The following ELOA variants were observed in gnomAD, a reference collection of about 807,000 sequenced individuals.
ELOA encodes elongin A, also known as elongin-A.
A neutral mutation model predicts 85.2 loss-of-function variants in ELOA; 15 were observed. That is an observed-to-expected ratio of 0.18 (90% CI 0.12 to 0.27). The LOEUF is 0.27. ELOA is among the 10% of genes least tolerant of loss of function. The pLI, the probability that ELOA is intolerant of heterozygous loss-of-function variation, is 1.00. For synonymous variants in ELOA, 348 were observed against 357.2 expected, an observed-to-expected ratio of 0.97 and a Z score of 0.29; for missense variants, 769 against 952.7, an observed-to-expected ratio of 0.81 and a Z score of 2.54.
At chr1:23,757,763 G>C (rs1644801851) in intron 10 of ELOA, among the ~76,000 whole-genome samples, 1 of 151,302 alleles carries the variant, frequency 6.6e-6, no homozygotes, top group African/African-American at 2.4e-5. Flanking sequence ...CCTCCCAAGT[G>C]CTGGGATTAC....
At position 23,749,061 on chromosome 1, in the gene ELOA, C is replaced by T; in HGVS notation, c.116C>T (p.Thr39Ile). ...AAGAAACTCTCCACCCTGCCTATTACAGTAGACATTCTTGCGGTAAGAACT... is the reference window on the plus strand; with the variant it reads ...AAGAAACTCTCCACCCTGCCTATTATAGTAGACATTCTTGCGGTAAGAACT... ...YLKKLSTLPITVDILAETGVG... is the reference protein window; with the variant it reads ...YLKKLSTLPIIVDILAETGVG... Residue 39 changes from threonine (T) to isoleucine (I), a missense_variant, in exon 2 of 11, where the codon ACA becomes ATA. Physicochemically the swap from Thr to Ile is moderately conservative, Grantham distance 89. This residue lies in a region of ELOA where 440 missense variants were observed against 474.0 expected (regional missense o/e 0.93). Transcript: ENST00000613537. The T allele has an allele frequency of 6.2e-7, 1 of 1,612,970 alleles. No individual in the cohort carries two copies. The highest frequency in any genetic ancestry group is 8.5e-7 in the Non-Finnish European group (1 of 1,179,154).
In ELOA at chr1:23,760,930, A is replaced by G. The variant is rs1308580317; in HGVS notation, c.*1357A>G. ...TTGGTTGTGACCCAGGTAGAGGTAG[A>G]TGCCATACATTTGAGATATGCGTCC... On this transcript the variant is annotated 3_prime_UTR_variant, in exon 11 of 11. Coordinates refer to ENST00000613537, the MANE Select transcript of ELOA (RefSeq NM_003198.3). 3 of 152,126 alleles carry G rather than the reference A, an allele frequency of 2.0e-5. 1 individual carries two copies. Among genetic ancestry groups the G allele is most frequent in the Admixed American group, 6.5e-5 (1 of 15,270 alleles). The allele number at this position is 152,126 out of a possible 1,614,324, so 9.4% of individuals were successfully genotyped here.
Position 23,760,140 on chromosome 1 carries a change from TG to T in ELOA, c.*571del, listed in dbSNP as rs896994483. ...CCGCCTGTCCCCAAGGGAGCCTCAG[TG>T]GGGCGACAGGGTGCTCGGCGGACTC... On this transcript the variant is annotated 3_prime_UTR_variant, in exon 11 of 11. Transcript: ENST00000613537. 6.5e-6 allele frequency: 1 copy of T among 152,996 alleles called. No individual in the cohort carries two copies. The highest frequency in any genetic ancestry group is 2.4e-5 in the African/African-American group (1 of 41,448). 9.5% of individuals were successfully genotyped at this position (152,996 alleles called of 1,614,324 possible). A position where few individuals can be genotyped will look rare whatever the true frequency, so the allele number is the denominator to read the frequency against.
In ELOA at chr1:23,758,251, ATTTATTTATTTTTTTTTTTT is replaced by A. The variant is rs1459843014; in HGVS notation, c.2257+1130_2257+1149del. Among the ~76,000 whole-genome samples, 80 of 48,566 alleles carry A rather than the reference ATTTATTTATTTTTTTTTTTT, an allele frequency of 1.6e-3. 2 individuals carry two copies. The highest frequency in any genetic ancestry group is 0.017 in the Middle Eastern group (1 of 58). 31.9% of individuals were successfully genotyped at this position (48,566 alleles called of 152,430 possible). On this transcript the variant is annotated intron_variant, in intron 10 of 10. Transcript: ENST00000613537. Reference sequence around the variant, plus strand: ...TATATCTAATTGGGTCTTCCAATTTATTTATTTATTTTTTTTTTTTTTTTTTTTTTTTTTTTTTTGGAGAC... The same window carrying A: ...TATATCTAATTGGGTCTTCCAATTTATTTTTTTTTTTTTTTTTTTGGAGAC...
At chr1:23,755,795 ATAT>A (rs1557455476) in intron 7 of ELOA, 45 bp from the exon 8 acceptor site, 2 of 1,263,494 alleles carry the variant, frequency 1.6e-6, no homozygotes, top group African/African-American at 1.5e-5. Flanking sequence ...AAAAAAAAAA[ATAT>A]GGAAAAGTGC....
Position 23,761,045 on chromosome 1 carries a change from C to A in ELOA, c.*1472C>A, listed in dbSNP as rs1488850673. The A allele has an allele frequency of 1.3e-5, 2 of 152,164 alleles. No homozygotes were observed. The highest frequency in any genetic ancestry group is 2.9e-5 in the Non-Finnish European group (2 of 68,032). 9.4% of individuals were successfully genotyped at this position (152,164 alleles called of 1,614,324 possible). On this transcript the variant is annotated 3_prime_UTR_variant, in exon 11 of 11. Transcript: ENST00000613537. ...GCCCAGGATACAGAGCCAGTGTTTT[C>A]TGTAACTGGAGACCTCAGTTAGGCC...
chr1:23,751,703 T>C lies in ELOA; in HGVS notation c.1098T>C (p.Ser366=), dbSNP rs1644772203. ...DLLPKVKEKG[S]NNLKTPEGKV... The stretch of plus-strand genomic sequence containing the variant: ...TGCCCAAGGTAAAAGAGAAGGGTTC[T>C]AACAACCTAAAGACTCCAGAAGGGA... The change falls in exon 4 of 11, where the codon TCT becomes TCC. Residue 366 remains serine (S), a synonymous_variant. Transcript: ENST00000613537. 6.2e-7 allele frequency: 1 copy of C among 1,614,142 alleles called. No homozygotes were observed. Among genetic ancestry groups the C allele is most frequent in the African/African-American group, 1.3e-5 (1 of 75,040 alleles).
intron 1 of ELOA, among the ~76,000 whole-genome samples, chr1:23,745,943 A>G (rs1261099172): frequency 6.6e-6 from 1 of 152,172 alleles, no homozygotes; most frequent in African/African-American, 2.4e-5. Flanking sequence ...TCAGCAGCCT[A>G]GGACCACTTG....
Position 23,758,723 on chromosome 1 carries a change from G to C in ELOA, c.2258-789G>C, listed in dbSNP as rs367828952. Among the ~76,000 whole-genome samples the C allele has an allele frequency of 8.6e-5, 13 of 151,864 alleles. No homozygotes were observed. In the East Asian group the frequency reaches 2.1e-3, roughly 25 times the overall value. ...TTGCAGGGCCCATGGGAGGGTGGGA[G>C]TCCTGGCTTGAGCTACAGCTATGCT... On this transcript the variant is annotated intron_variant, in intron 10 of 10. Coordinates refer to ENST00000613537, the MANE Select transcript of ELOA (RefSeq NM_003198.3).
chr1:23,758,253 T>A (rs1638235260), intron 10 of ELOA, among the ~76,000 whole-genome samples: 1 of 56,354 alleles, frequency 1.8e-5, no homozygotes, highest in East Asian at 5.7e-4. Context: ...TCCAATTTAT[T>A]TATTTATTTT....
intron 10 of ELOA, among the ~76,000 whole-genome samples, chr1:23,758,259 ATTTTTTTTTTTTTTTTT>A (rs1162019928): frequency 7.2e-5 from 3 of 41,956 alleles, no homozygotes; most frequent in East Asian, 1.4e-3. Flanking sequence ...TTATTTATTT[ATTTTTTTTTTTTTTTTT>A]TTTTTTTTTT....
In ELOA at chr1:23,756,027, A is replaced by G. The variant is rs1240270509; in HGVS notation, c.1972+4A>G. On this transcript the variant is annotated splice_donor_region_variant and intron_variant, in intron 8 of 10. Transcript: ENST00000613537. ...GCACATGCCAATAAGCCCAAAGGTA[A>G]CAGAGACGGGAGAGCTGGGGGAGAA... 4 of 1,611,166 alleles carry G rather than the reference A, an allele frequency of 2.5e-6. No homozygotes were observed. In the South Asian group the frequency reaches 3.3e-5, roughly 13 times the overall value.
chr1:23,753,957 C>A (rs1474383804), intron 5 of ELOA, 143 bp from the exon 6 acceptor site: 2 of 1,044,304 alleles, frequency 1.9e-6, no homozygotes, highest in Admixed American at 2.9e-5. Flanking sequence ...ATTACAGGAG[C>A]TTATTTTTAA....
intron 10 of ELOA, among the ~76,000 whole-genome samples, 191 bp from the exon 11 acceptor site, chr1:23,759,321 A>G (rs1437660324): frequency 1.3e-5 from 2 of 152,268 alleles, no homozygotes; most frequent in East Asian, 3.8e-4. Context: ...TGCCCCTGGC[A>G]GGTCCTCCGA....
Position 23,751,268 on chromosome 1 carries a change from A to G in ELOA, c.663A>G (p.Arg221=). The part of the protein sequence containing the change: ...GKGHSNAFQD[R]LGASQERHLG... Reference sequence around the variant, plus strand: ...GCCACAGCAATGCCTTTCAGGACAGACTCGGGGCCAGCCAAGAACGACACC... The same window carrying G: ...GCCACAGCAATGCCTTTCAGGACAGGCTCGGGGCCAGCCAAGAACGACACC... Residue 221 remains arginine (R), a synonymous_variant, in exon 4 of 11, where the codon AGA becomes AGG. Transcript: ENST00000613537. The G allele has an allele frequency of 6.2e-7, 1 of 1,614,180 alleles. No individual in the cohort carries two copies. Among genetic ancestry groups the G allele is most frequent in the South Asian group, 1.1e-5 (1 of 91,086 alleles).
In ELOA at chr1:23,750,794, C is replaced by T. The variant is rs72872157; in HGVS notation, c.240-51C>T. The T allele has an allele frequency of 4.1e-3, 6,088 of 1,485,850 alleles. 179 individuals carry two copies. In the African/African-American group the frequency reaches 0.071, roughly 17 times the overall value. The allele number at this position is 1,485,850 out of a possible 1,614,324, so 92.0% of individuals were successfully genotyped here. On this transcript the variant is annotated intron_variant, in intron 3 of 10. Coordinates refer to ENST00000613537, the MANE Select transcript of ELOA (RefSeq NM_003198.3). ...GAGTTCAGATTCTGTGACTTTGTCCCTCAAGAAGCAAGATTTAGACCTACT... is the reference window on the plus strand; with the variant it reads ...GAGTTCAGATTCTGTGACTTTGTCCTTCAAGAAGCAAGATTTAGACCTACT...
At chr1:23,749,980 T>A (rs770431863) in intron 3 of ELOA, 32 bp downstream of exon 3, 1 of 1,547,642 alleles carries the variant, frequency 6.5e-7, no homozygotes, top group Non-Finnish European at 8.8e-7. Context: ...TTTGTTCAAT[T>A]TCATGGTTAA....
At chr1:23,759,420 A>C (rs1638260427) in intron 10 of ELOA, 92 bp from the exon 11 acceptor site, 7 of 1,282,478 alleles carry the variant, frequency 5.5e-6, no homozygotes, top group African/African-American at 1.5e-5. Context: ...TGCACAGCCA[A>C]GAATAGCAGA....
intron 2 of ELOA, among the ~76,000 whole-genome samples, chr1:23,749,398 C>T (rs532517831): frequency 6.6e-6 from 1 of 152,258 alleles, no homozygotes; most frequent in African/African-American, 2.4e-5. Context: ...GAATTATGTA[C>T]TTTAGTTAAA....
Sources: gnomAD v4.1 joint callset for allele counts (sites outside exome capture counted in the v4.1 genomes callset) on GRCh38, gnomAD v4.1.1 for gene constraint, gnomAD v4.1.1 regional missense constraint, MANE v1.5 for transcripts, NCBI Gene and HGNC (gene_info 2026-07-23, HGNC 2026-07-21) for gene names.